The following NUAK1 variants were observed in gnomAD, a reference collection of about 807,000 sequenced individuals.
NUAK1 encodes the protein NUAK family SNF1-like kinase 1.
NUAK1 carries 26 observed loss-of-function variants against 56.9 expected under a neutral mutation model. That is an observed-to-expected ratio of 0.46 (90% confidence interval 0.33 to 0.63). NUAK1 has a LOEUF of 0.63. Among genes scored for constraint, NUAK1 ranks in the 30% least tolerant of loss-of-function variants. NUAK1 has a pLI of 0.02. For missense variants in NUAK1, 727 were observed against 876.1 expected, an observed-to-expected ratio of 0.83 and a Z score of 2.15; for synonymous variants, 337 against 336.0, an observed-to-expected ratio of 1.00 and a Z score of -0.03.
At chr12:106,086,071 T>C (rs2032567921) in intron 3 of NUAK1, among the ~76,000 whole-genome samples, 1 of 152,026 alleles carries the variant, frequency 6.6e-6, no homozygotes, top group African/African-American at 2.4e-5. Context: ...CATAGAAAGG[T>C]TTCAAGAACA....
intron 4 of NUAK1, among the ~76,000 whole-genome samples, chr12:106,078,425 G>T (rs1450078851): frequency 2.0e-5 from 3 of 152,218 alleles, no homozygotes; most frequent in Non-Finnish European, 4.4e-5. Context: ...TGAGACATCG[G>T]TGAACAGCTG....
intron 1 of NUAK1, among the ~76,000 whole-genome samples, chr12:106,123,267 T>C (rs2032995601): frequency 6.6e-6 from 1 of 152,152 alleles, no homozygotes; most frequent in African/African-American, 2.4e-5. Context: ...GCCAAGTGTG[T>C]GCCATGTCCT....
chr12:106,102,456 A>C (rs1004179314), intron 2 of NUAK1, among the ~76,000 whole-genome samples: 1 of 152,126 alleles, frequency 6.6e-6, no homozygotes, highest in Non-Finnish European at 1.5e-5. Context: ...GTGACTGGGG[A>C]ACTGAATTTT....
intron 2 of NUAK1, among the ~76,000 whole-genome samples, chr12:106,102,332 AGCAGCACTGTCCG>A (rs1225116517): frequency 6.6e-6 from 1 of 152,220 alleles, no homozygotes; most frequent in Admixed American, 6.5e-5. Context: ...AACATTATAT[AGCAGCACTGTCCG>A]GCAGAACTTT....
chr12:106,108,343 C>T (rs2032824695), intron 1 of NUAK1, among the ~76,000 whole-genome samples: 1 of 152,182 alleles, frequency 6.6e-6, no homozygotes. Context: ...GCTCCACCTC[C>T]CTTCGACCCT....
At chr12:106,099,942 C>A (rs1014070481) in intron 2 of NUAK1, among the ~76,000 whole-genome samples, 1 of 151,362 alleles carries the variant, frequency 6.6e-6, no homozygotes, top group African/African-American at 2.4e-5. Flanking sequence ...AGGCATGCAC[C>A]ATCACGTCCA....
At chr12:106,130,511 G>A (rs1026905180) in intron 1 of NUAK1, among the ~76,000 whole-genome samples, 2 of 152,194 alleles carry the variant, frequency 1.3e-5, no homozygotes, top group Non-Finnish European at 2.9e-5. Context: ...CCAATGTGGG[G>A]ATGTTAGGTC....
intron 6 of NUAK1, 127 bp downstream of exon 6, chr12:106,070,647 T>C (rs2032395982): frequency 1.6e-6 from 2 of 1,276,750 alleles, no homozygotes; most frequent in South Asian, 1.4e-5. Flanking sequence ...ATGACACTTC[T>C]GGGAAGAAGA....
intron 2 of NUAK1, among the ~76,000 whole-genome samples, chr12:106,095,042 A>G (rs1044860415): frequency 2.6e-5 from 4 of 152,132 alleles, no homozygotes; most frequent in African/African-American, 9.7e-5. Context: ...GCTATCAGCC[A>G]TCACCACAGG....
At chr12:106,081,553 T>C (rs1380225968) in intron 4 of NUAK1, among the ~76,000 whole-genome samples, 1 of 152,216 alleles carries the variant, frequency 6.6e-6, no homozygotes, top group African/African-American at 2.4e-5. Context: ...ACAGGCACCC[T>C]AGGTTGAAGA....
At chr12:106,078,421 ATCGGTGAACAGCTGCCT>A (rs1210452424) in intron 4 of NUAK1, among the ~76,000 whole-genome samples, 1 of 152,234 alleles carries the variant, frequency 6.6e-6, no homozygotes, top group East Asian at 1.9e-4. Context: ...TGCCTGAGAC[ATCGGTGAACAGCTGCCT>A]TAGCTGTAAA....
In NUAK1 at chr12:106,067,878, A is replaced by G; in HGVS notation, c.910T>C (p.Trp304Arg). 2 of 1,614,150 alleles carry G rather than the reference A, an allele frequency of 1.2e-6. No homozygotes were observed. Among genetic ancestry groups the G allele is most frequent in the Non-Finnish European group, 1.7e-6 (2 of 1,180,010 alleles). Residue 304 changes from tryptophan to arginine, a missense_variant, in exon 7 of 7, where the codon TGG (tryptophan) becomes CGG (arginine). Trp to Arg is a moderately radical substitution (Grantham distance 101). Transcript: ENST00000261402. This position sits in a 1 kb window ranked among gnomAD's most constrained non-coding sequence, Gnocchi z 6.0. ...RATIEDIANH[W>R]WVNWGYKSSV... ...CTCTTATAGCCCCAGTTCACCCACC[A>G]GTGGTTGGCAATGTCCTCAATAGTG...
chr12:106,132,222 C>T (rs1449612411), intron 1 of NUAK1, among the ~76,000 whole-genome samples: 1 of 152,206 alleles, frequency 6.6e-6, no homozygotes, highest in Non-Finnish European at 1.5e-5. Flanking sequence ...CTGTAACCTG[C>T]CATTCATTTT....
chr12:106,121,488 A>AC (rs1164132567), intron 1 of NUAK1, among the ~76,000 whole-genome samples: 1 of 152,190 alleles, frequency 6.6e-6, no homozygotes, highest in Non-Finnish European at 1.5e-5. Flanking sequence ...GGTAGCCCAC[A>AC]CCTGTAATCC....
At chr12:106,100,388 A>G (rs1032351363) in intron 2 of NUAK1, among the ~76,000 whole-genome samples, 21 of 151,898 alleles carry the variant, frequency 1.4e-4, no homozygotes, top group African/African-American at 4.4e-4. Context: ...TCCTCTGAGC[A>G]TTTGCGCATG....
rs2032322678 is a variant in NUAK1 at position 106,065,199 on chromosome 12, A to C, written c.*1603T>G. On this transcript the variant is annotated 3_prime_UTR_variant, in exon 7 of 7. Transcript: ENST00000261402. ...AGCAGAATCTGAAGTCATCCCAGAG[A>C]CCAGGAAGTACAAACCTAGTATCAT... 6.6e-6 allele frequency: 1 copy of C among 152,204 alleles called. No individual in the cohort carries two copies. The highest frequency in any genetic ancestry group is 1.5e-5 in the Non-Finnish European group (1 of 68,050). The allele number at this position is 152,204 out of a possible 1,614,324, so 9.4% of individuals were successfully genotyped here. A position where few individuals can be genotyped will look rare whatever the true frequency, so the allele number is the denominator to read the frequency against.
chr12:106,097,832 G>T (rs910827723), intron 2 of NUAK1, among the ~76,000 whole-genome samples: 2 of 152,164 alleles, frequency 1.3e-5, no homozygotes, highest in African/African-American at 2.4e-5. Flanking sequence ...CAATTCAGCA[G>T]GTCTGGGGCT....
chr12:106,103,720 T>C (rs112312971), intron 2 of NUAK1, among the ~76,000 whole-genome samples: 27,709 of 152,100 alleles, frequency 0.18, 2,767 homozygotes, highest in Admixed American at 0.23. Flanking sequence ...ATAATCCCTA[T>C]ATGTTGTGGA....
At chr12:106,102,190 C>A (rs2032756471) in intron 2 of NUAK1, among the ~76,000 whole-genome samples, 1 of 152,028 alleles carries the variant, frequency 6.6e-6, no homozygotes, top group African/African-American at 2.4e-5. Context: ...TGCATGATAC[C>A]CTATAGGTCG....
Sources: gnomAD v4.1 joint callset for allele counts (sites outside exome capture counted in the v4.1 genomes callset) on GRCh38, gnomAD v4.1.1 for gene constraint, Gnocchi (gnomAD v3.1) non-coding constraint, MANE v1.5 for transcripts, NCBI Gene and HGNC (gene_info 2026-07-23, HGNC 2026-07-21) for gene names.